The following TMC2 variants were observed in gnomAD, a reference collection of about 807,000 sequenced individuals.
TMC2 encodes transmembrane channel-like protein 2.
TMC2 carries 102 observed loss-of-function variants against 105.9 expected under a neutral mutation model. The ratio of observed to expected loss-of-function variants is 0.96; its 90% CI spans 0.82 to 1.14. TMC2 has a LOEUF of 1.14. TMC2 is among the 50% of genes most tolerant of loss of function. The pLI is 0.00. For missense variants in TMC2, 1,093 were observed against 1,134.3 expected (o/e 0.96, Z 0.52); for synonymous variants, 402 against 422.8 (o/e 0.95, Z 0.60).
intron 6 of TMC2, among the ~76,000 whole-genome samples, chr20:2,579,496 A>G (rs1224837932): frequency 6.6e-6 from 1 of 151,602 alleles, no homozygotes; most frequent in Non-Finnish European, 1.5e-5. Context: ...ATCTTGGCTC[A>G]CTGCAACCTT....
rs756376854 is a variant in TMC2 at position 2,592,333 on chromosome 20, G to T, written c.858G>T (p.Gly286=). 3 of 1,613,740 alleles carry T rather than the reference G, an allele frequency of 1.9e-6. No individual in the cohort carries two copies. The highest frequency in any genetic ancestry group is 2.5e-6 in the Non-Finnish European group (3 of 1,179,772). Residue 286 remains glycine (G), a synonymous_variant, in exon 8 of 20, where the codon GGG becomes GGT. Coordinates refer to ENST00000358864, the MANE Select transcript of TMC2 (RefSeq NM_080751.3). The surrounding 1 kb of genome is among the most constrained non-coding windows in gnomAD (Gnocchi z 4.9). The part of the protein sequence containing the change: ...IPEVLMGMPY[G]SIPRKTVPRA... ...AGGTACTGATGGGCATGCCCTATGG[G>T]AGTATTCCCAGAAAGACAGTGCCTC...
intron 17 of TMC2, among the ~76,000 whole-genome samples, chr20:2,628,452 AT>A (rs1180756871): frequency 6.6e-5 from 10 of 152,166 alleles, no homozygotes; most frequent in African/African-American, 2.4e-4. Context: ...AGTCACTGAT[AT>A]AGTTAGGCTT....
At chr20:2,538,456 G>A (rs116552300) in intron 2 of TMC2, among the ~76,000 whole-genome samples, 1,695 of 152,214 alleles carry the variant, frequency 0.011, 32 homozygotes, top group African/African-American at 0.038. Flanking sequence ...CCTTCCTCCC[G>A]GGGGTCGGGC....
At chr20:2,600,330 C>A (rs1011965114) in intron 10 of TMC2, among the ~76,000 whole-genome samples, 2 of 152,180 alleles carry the variant, frequency 1.3e-5, no homozygotes, top group Non-Finnish European at 2.9e-5. Flanking sequence ...GTGTCTAGGG[C>A]ACAAGTTTAA....
At chr20:2,600,805 C>T (rs2086345499) in intron 10 of TMC2, among the ~76,000 whole-genome samples, 5 of 149,158 alleles carry the variant, frequency 3.4e-5, no homozygotes. Flanking sequence ...GGCTGGGTGA[C>T]AGAGCAAGAC....
chr20:2,563,324 A>G (rs1031811860), intron 4 of TMC2, among the ~76,000 whole-genome samples: 3 of 152,184 alleles, frequency 2.0e-5, no homozygotes, highest in South Asian at 4.1e-4. Flanking sequence ...GTCATCTCCT[A>G]TATGGCTGCA....
chr20:2,591,897 T>A (rs1600117180), intron 7 of TMC2, among the ~76,000 whole-genome samples: 2 of 152,190 alleles, frequency 1.3e-5, no homozygotes, highest in Admixed American at 1.3e-4. Flanking sequence ...TTCACGCCTG[T>A]AATCCTGGCA....
At position 2,592,276 on chromosome 20, in the gene TMC2, C is replaced by A; in HGVS notation, c.835-34C>A. On this transcript the variant is annotated intron_variant, in intron 7 of 19. Transcript: ENST00000358864. This position sits in a 1 kb window ranked among gnomAD's most constrained non-coding sequence, Gnocchi z 4.9. The stretch of plus-strand genomic sequence containing the variant: ...TGTCTCTGTGTGTTTGTATTTCCTC[C>A]ACTCATACTTGTGTCATTGTGTTTC... The A allele has an allele frequency of 7.2e-7, 1 of 1,390,592 alleles. No homozygotes were observed. Among genetic ancestry groups the A allele is most frequent in the Non-Finnish European group, 1.0e-6 (1 of 978,070 alleles). 86.1% of individuals were successfully genotyped at this position (1,390,592 alleles called of 1,614,324 possible). A position where few individuals can be genotyped will look rare whatever the true frequency, so the allele number is the denominator to read the frequency against.
intron 6 of TMC2, among the ~76,000 whole-genome samples, 157 bp downstream of exon 6, chr20:2,579,384 T>TA (rs1555773529): frequency 6.8e-6 from 1 of 147,186 alleles, no homozygotes; most frequent in Non-Finnish European, 1.5e-5. Context: ...AAGATTTATT[T>TA]TTTATTTATT....
chr20:2,600,837 T>A (rs1416103837), intron 10 of TMC2, among the ~76,000 whole-genome samples: 7 of 128,544 alleles, frequency 5.4e-5, no homozygotes, highest in African/African-American at 1.2e-4. Context: ...AAAAAAAAAA[T>A]TTAGCCGGGT....
At chr20:2,564,150 C>CCTTTT (rs757939074) in intron 4 of TMC2, among the ~76,000 whole-genome samples, 1 of 120,076 alleles carries the variant, frequency 8.3e-6, no homozygotes, top group Admixed American at 9.5e-5. Context: ...TCAGCCTCCT[C>CCTTTT]TTTTTTTTTT....
At chr20:2,540,656 C>CAA (rs10657326) in intron 2 of TMC2, among the ~76,000 whole-genome samples, 60,251 of 107,716 alleles carry the variant, frequency 0.56, 15,108 homozygotes, top group South Asian at 0.62. Flanking sequence ...GAGGGACTCT[C>CAA]AAAAAAAAAA....
In TMC2 at chr20:2,558,568, C is replaced by A. The variant is rs542641115; in HGVS notation, c.195C>A (p.Ser65Arg). ...AGGAGCGCGCCGGGGGCAGCCCAAG[C>A]CCGGGGTCTCCCCGGAGGAAGCAAA... ...SQKERAGGSP[S>R]PGSPRRKQTG... The change falls in exon 3 of 20, where the codon AGC (serine) becomes AGA (arginine). Residue 65 changes from serine (S) to arginine (R), a missense_variant. Coordinates refer to ENST00000358864, the MANE Select transcript of TMC2 (RefSeq NM_080751.3). The surrounding 1 kb of genome is among the most constrained non-coding windows in gnomAD (Gnocchi z 4.6). 1 of 1,552,976 alleles carries A rather than the reference C, an allele frequency of 6.4e-7. No homozygotes were observed. The highest frequency in any genetic ancestry group is 1.2e-5 in the South Asian group (1 of 84,186).
chr20:2,550,685 G>A (rs1041628611), intron 2 of TMC2, among the ~76,000 whole-genome samples: 7 of 151,908 alleles, frequency 4.6e-5, no homozygotes, highest in East Asian at 3.9e-4. Context: ...CATTTTTTCC[G>A]CTGTCTCTAG....
chr20:2,609,672 A>G (rs1398273723), intron 11 of TMC2, among the ~76,000 whole-genome samples: 1 of 152,144 alleles, frequency 6.6e-6, no homozygotes, highest in African/African-American at 2.4e-5. Context: ...GCAGTGGTAG[A>G]TATGGGGCAG....
chr20:2,631,135 A>ATATCT (rs11472925), intron 17 of TMC2, among the ~76,000 whole-genome samples: 114,501 of 151,764 alleles, frequency 0.75, 43,338 homozygotes, highest in East Asian at 0.86. Flanking sequence ...ATTATAATTA[A>ATATCT]TATAACAAAC....
intron 3 of TMC2, among the ~76,000 whole-genome samples, chr20:2,559,459 T>C (rs778427148): frequency 1.3e-5 from 2 of 152,172 alleles, no homozygotes; most frequent in Non-Finnish European, 2.9e-5. Flanking sequence ...TTAATAGGTG[T>C]CTCTCTCTTT....
intron 10 of TMC2, among the ~76,000 whole-genome samples, chr20:2,600,005 T>C (rs2086339319): frequency 1.3e-5 from 2 of 152,306 alleles, no homozygotes; most frequent in Non-Finnish European, 1.5e-5. Flanking sequence ...TTGCAGTGCA[T>C]GGAGCAGGGA....
At chr20:2,539,990 C>CTT (rs57860432) in intron 2 of TMC2, among the ~76,000 whole-genome samples, 36,266 of 114,800 alleles carry the variant, frequency 0.32, 6,554 homozygotes, top group Non-Finnish European at 0.39. Context: ...CTTTTCTTTT[C>CTT]TTTTTTTTTT....
Sources: gnomAD v4.1 joint callset for allele counts (sites outside exome capture counted in the v4.1 genomes callset) on GRCh38, gnomAD v4.1.1 for gene constraint, Gnocchi (gnomAD v3.1) non-coding constraint, MANE v1.5 for transcripts, NCBI Gene and HGNC (gene_info 2026-07-23, HGNC 2026-07-21) for gene names.